The following ORC3 variants were observed in gnomAD, a reference collection of about 807,000 sequenced individuals.
ORC3 encodes the protein origin recognition complex subunit 3.
ORC3 carries 78 observed loss-of-function variants against 100.7 expected under a neutral mutation model. That is an observed-to-expected ratio of 0.77 (90% CI 0.65 to 0.94). The LOEUF (loss-of-function observed/expected upper bound fraction) is 0.94. ORC3 is among the 40% of genes least tolerant of loss of function. The probability of loss-of-function intolerance (pLI) is 0.00; values close to 1 mark genes in which losing one functional copy is unlikely to be tolerated. For missense variants in ORC3, 789 were observed against 823.9 expected, an observed-to-expected ratio of 0.96 and a Z score of 0.52; for synonymous variants, 295 against 289.3, an observed-to-expected ratio of 1.02 and a Z score of -0.20.
intron 13 of ORC3, among the ~76,000 whole-genome samples, chr6:87,638,844 A>AGTCCT (rs1047867640): frequency 1.3e-5 from 2 of 152,016 alleles, no homozygotes; most frequent in Non-Finnish European, 2.9e-5. Flanking sequence ...CTGTTTTTTA[A>AGTCCT]GTGTTAAGTA....
chr6:87,606,131 G>A, intron 5 of ORC3, 110 bp downstream of exon 5: 1 of 658,540 alleles, frequency 1.5e-6, no homozygotes, highest in South Asian at 1.9e-5. Context: ...AAAGAACACA[G>A]TGCTATGTTT....
chr6:87,660,983 A>G (rs1241055765), intron 16 of ORC3, among the ~76,000 whole-genome samples: 1 of 152,220 alleles, frequency 6.6e-6, no homozygotes. Flanking sequence ...TTTTGCTCTG[A>G]TGGTTCTTTG....
chr6:87,618,397 A>T (rs973457328), intron 9 of ORC3, among the ~76,000 whole-genome samples: 1 of 147,970 alleles, frequency 6.8e-6, no homozygotes, highest in Non-Finnish European at 1.5e-5. Context: ...AGCCTGGGCA[A>T]CAGTGTGAGG....
At chr6:87,602,956 T>TATATATATATATATATATATATA (rs1778056703) in intron 3 of ORC3, among the ~76,000 whole-genome samples, 2 of 91,338 alleles carry the variant, frequency 2.2e-5, no homozygotes, top group South Asian at 6.9e-4. Context: ...ACATATATAA[T>TATATATATATATATATATATATA]ATATATATAT....
intron 13 of ORC3, chr6:87,651,101 G>A (rs1334421570): frequency 4.4e-6 from 2 of 452,680 alleles, no homozygotes; most frequent in Non-Finnish European, 4.4e-6. Flanking sequence ...CACATTAAGA[G>A]TTATGACTAA....
chr6:87,607,359 AG>A (rs1156657229), intron 5 of ORC3, among the ~76,000 whole-genome samples: 2 of 151,814 alleles, frequency 1.3e-5, no homozygotes, highest in African/African-American at 4.8e-5. Context: ...TGAACCCGGG[AG>A]GCAGAGGTTG....
intron 11 of ORC3, among the ~76,000 whole-genome samples, chr6:87,623,449 A>G (rs760789908): frequency 6.6e-6 from 1 of 152,234 alleles, no homozygotes; most frequent in African/African-American, 2.4e-5. Context: ...CTCTCTGTTG[A>G]GTCAGCTAGT....
In ORC3 at chr6:87,609,854, G is replaced by A. The variant is rs116307739; in HGVS notation, c.713+625G>A. Among the ~76,000 whole-genome samples, 477 of 152,084 alleles carry A rather than the reference G, an allele frequency of 3.1e-3. 4 individuals are homozygous for A. Among genetic ancestry groups the A allele is most frequent in the African/African-American group, 0.011 (455 of 41,506 alleles). On this transcript the variant is annotated intron_variant, in intron 7 of 19. Transcript: ENST00000392844. ...GGAGTGAGCCACCATACCTGGCTAAGTTGAGATTTTTATTAGGTCTTATTT... is the reference window on the plus strand; with the variant it reads ...GGAGTGAGCCACCATACCTGGCTAAATTGAGATTTTTATTAGGTCTTATTT...
intron 17 of ORC3, among the ~76,000 whole-genome samples, chr6:87,663,524 G>A (rs763313811): frequency 1.7e-4 from 26 of 152,312 alleles, no homozygotes; most frequent in Admixed American, 3.3e-4. Flanking sequence ...CTGAAAGACC[G>A]AAATGGTTGT....
chr6:87,598,709 A>C (rs1017992530), intron 2 of ORC3, among the ~76,000 whole-genome samples: 1 of 151,860 alleles, frequency 6.6e-6, no homozygotes, highest in Admixed American at 6.6e-5. Context: ...TAGTGTTATA[A>C]TACGAAAATC....
chr6:87,669,466 A>G (rs1327656060), downstream of ORC3, among the ~76,000 whole-genome samples: 1 of 152,252 alleles, frequency 6.6e-6, no homozygotes, highest in Non-Finnish European at 1.5e-5. Flanking sequence ...TTATATGCAA[A>G]CACAAGTACC....
At chr6:87,602,004 C>T (rs1423517236) in intron 3 of ORC3, 123 bp downstream of exon 3, 1 of 626,456 alleles carries the variant, frequency 1.6e-6, no homozygotes, top group African/African-American at 1.8e-5. Flanking sequence ...TCAAGCATAG[C>T]CTGTATATCC....
intron 11 of ORC3, among the ~76,000 whole-genome samples, chr6:87,632,457 A>G (rs1177865231): frequency 1.3e-5 from 2 of 152,228 alleles, no homozygotes; most frequent in African/African-American, 2.4e-5. Flanking sequence ...CGTTAAGTCC[A>G]TCATAGCCAG....
intron 5 of ORC3, among the ~76,000 whole-genome samples, chr6:87,607,258 G>A (rs750882266): frequency 1.3e-5 from 2 of 151,812 alleles, no homozygotes; most frequent in Non-Finnish European, 2.9e-5. Flanking sequence ...GCAAAACCCC[G>A]TCTCTACTAA....
chr6:87,593,309 A>G (rs936466257), intron 1 of ORC3, among the ~76,000 whole-genome samples: 6 of 152,236 alleles, frequency 3.9e-5, no homozygotes, highest in African/African-American at 7.2e-5. Flanking sequence ...TGTTAGCACT[A>G]TTCCAAACAT....
chr6:87,602,978 T>TATAC, intron 3 of ORC3, among the ~76,000 whole-genome samples: 1 of 135,562 alleles, frequency 7.4e-6, no homozygotes, highest in African/African-American at 2.9e-5. Flanking sequence ...TATACATATA[T>TATAC]ATATACAATT....
chr6:87,590,628 A>G (rs1389638844), intron 1 of ORC3, among the ~76,000 whole-genome samples: 2 of 152,214 alleles, frequency 1.3e-5, no homozygotes, highest in African/African-American at 4.8e-5. Context: ...CTAGGCAGAC[A>G]ACAGAAGAGT....
Position 87,634,845 on chromosome 6 carries a change from G to A in ORC3, c.1186G>A (p.Glu396Lys). 2 of 1,384,838 alleles carry A rather than the reference G, an allele frequency of 1.4e-6. No homozygotes were observed. Among genetic ancestry groups the A allele is most frequent in the Admixed American group, 1.7e-5 (1 of 59,734 alleles). The allele number at this position is 1,384,838 out of a possible 1,614,324, so 85.8% of individuals were successfully genotyped here. Residue 396 changes from glutamate to lysine, a missense_variant and splice_region_variant, in exon 12 of 20, where the codon GAG becomes AAG. This residue lies in a region of ORC3 where 366 missense variants were observed against 394.2 expected (regional missense o/e 0.93). Transcript: ENST00000392844. ...TAATAATATATTCTGTGATTTTTAG[G>A]AGGAAACACAATTATTACTAGAAAA... ...ALLTNERYLKEETQLLLENLH... is the reference protein window; with the variant it reads ...ALLTNERYLKKETQLLLENLH...
rs187656689 is a variant in ORC3, at chr6:87,610,998, A to G, written c.714-1091A>G. On this transcript the variant is annotated intron_variant, in intron 7 of 19. Coordinates refer to ENST00000392844, the MANE Select transcript of ORC3 (RefSeq NM_012381.4). Reference sequence around the variant, plus strand: ...GTCACCCAGGCTAGAGCGCAGTGACATGATCTTGGCTCACTGCACCCTCCA... The same window carrying G: ...GTCACCCAGGCTAGAGCGCAGTGACGTGATCTTGGCTCACTGCACCCTCCA... Among the ~76,000 whole-genome samples the G allele has an allele frequency of 9.1e-5, 13 of 142,250 alleles. No homozygotes were observed. The East Asian group carries it at 1.6e-3, about 18-fold the overall frequency. 93.3% of individuals were successfully genotyped at this position (142,250 alleles called of 152,430 possible). A position where few individuals can be genotyped will look rare whatever the true frequency, so the allele number is the denominator to read the frequency against.
Sources: allele counts gnomAD v4.1 joint callset (sites outside exome capture counted in the v4.1 genomes callset), GRCh38; gene constraint gnomAD v4.1.1; regional missense constraint gnomAD v4.1.1; transcripts MANE v1.5; gene names NCBI Gene and HGNC (gene_info 2026-07-23, HGNC 2026-07-21).